The following MARCHF10 variants were observed in gnomAD, a reference collection of about 807,000 sequenced individuals.
The protein encoded by MARCHF10 is membrane associated ring-CH-type finger 10.
A neutral mutation model predicts 76.2 loss-of-function variants in MARCHF10; 64 were observed. The ratio of observed to expected loss-of-function variants is 0.84; its 90% confidence interval spans 0.69 to 1.03. MARCHF10 has a LOEUF of 1.03. MARCHF10 is among the 50% of genes least tolerant of loss of function. The pLI, the probability that MARCHF10 is intolerant of heterozygous loss-of-function variation, is 0.00. For synonymous variants in MARCHF10, 340 were observed against 357.5 expected (o/e 0.95, Z 0.55); for missense variants, 875 against 958.0 (o/e 0.91, Z 1.14).
At chr17:62,789,446 C>T (rs58973988) in intron 2 of MARCHF10, among the ~76,000 whole-genome samples, 29,009 of 152,202 alleles carry the variant, frequency 0.19, 7,724 homozygotes, top group African/African-American at 0.6. Context: ...TTCCTCTGCC[C>T]TCTCTTCTCC....
chr17:62,717,582 C>T (rs1416917540), intron 8 of MARCHF10, among the ~76,000 whole-genome samples: 1 of 152,194 alleles, frequency 6.6e-6, no homozygotes, highest in East Asian at 1.9e-4. Context: ...GGCAGGAGAC[C>T]CGAGGGCGGA....
At chr17:62,735,809 C>A in intron 6 of MARCHF10, 122 bp downstream of exon 6, 1 of 815,448 alleles carries the variant, frequency 1.2e-6, no homozygotes, top group Non-Finnish European at 1.9e-6. Flanking sequence ...AAATAAGCAA[C>A]CACTAAAATG....
At chr17:62,797,650 T>C (rs1272407536) in intron 2 of MARCHF10, among the ~76,000 whole-genome samples, 5 of 152,126 alleles carry the variant, frequency 3.3e-5, no homozygotes, top group African/African-American at 1.2e-4. Context: ...TGGTGAAGTG[T>C]AGGTTGGTTT....
chr17:62,764,052 G>T (rs958057179), intron 3 of MARCHF10, among the ~76,000 whole-genome samples: 1 of 152,110 alleles, frequency 6.6e-6, no homozygotes, highest in Non-Finnish European at 1.5e-5. Flanking sequence ...GGTTCAAGTA[G>T]ATGTCCTGGA....
chr17:62,793,207 ACCACCACCACCTCCACTG>A (rs2092904470), intron 2 of MARCHF10, among the ~76,000 whole-genome samples: 1 of 125,838 alleles, frequency 7.9e-6, no homozygotes, highest in African/African-American at 3.0e-5. Flanking sequence ...CACCACCACC[ACCACCACCACCTCCACTG>A]CCACCACCAC....
chr17:62,733,686 T>C (rs906437972), intron 6 of MARCHF10, among the ~76,000 whole-genome samples: 4 of 152,188 alleles, frequency 2.6e-5, no homozygotes, highest in African/African-American at 9.7e-5. Flanking sequence ...GACACGAATG[T>C]CCATTGACAG....
chr17:62,747,085 C>T lies in MARCHF10; in HGVS notation c.383-2557G>A, dbSNP rs192450774. 41 of 783,086 alleles carry T rather than the reference C, an allele frequency of 5.2e-5. No individual in the cohort carries two copies. The Admixed American group carries it at 6.5e-4, about 12-fold the overall frequency. The allele number at this position is 783,086 out of a possible 1,614,324, so 48.5% of individuals were successfully genotyped here. A position where few individuals can be genotyped will look rare whatever the true frequency, so the allele number is the denominator to read the frequency against. ...GTCTTTTCTCTCCAACTAGCCTGCA[C>T]GCTCCTTAAGAATGAGGATCGTCTC... On this transcript the variant is annotated intron_variant, in intron 4 of 10. Coordinates refer to ENST00000311269, the MANE Select transcript of MARCHF10 (RefSeq NM_152598.4).
In MARCHF10 at chr17:62,759,974, T is replaced by C. The variant is rs748559410; in HGVS notation, c.243A>G (p.Pro81=). 6.8e-6 allele frequency: 11 copies of C among 1,614,024 alleles called. No individual in the cohort carries two copies. The highest frequency in any genetic ancestry group is 3.3e-5 in the Admixed American group (2 of 59,996). ...ATGCAGATATCTTGATAGATGACCT[T>C]GGTTCAGTTAGAGCATCCTCCTCAC... ...SSSEEDALTE[P]RSSIKISAFK... Residue 81 remains proline, a synonymous_variant, in exon 4 of 11, where the codon CCA becomes CCG. Transcript: ENST00000311269.
intron 2 of MARCHF10, 85 bp downstream of exon 2, chr17:62,801,561 C>T (rs1449561363): frequency 8.3e-7 from 1 of 1,208,890 alleles, no homozygotes. Context: ...ACTTTTACTG[C>T]TTATCATACG....
chr17:62,705,358 G>A (rs1340602418), intron 10 of MARCHF10, 181 bp downstream of exon 10: 2 of 1,517,376 alleles, frequency 1.3e-6, no homozygotes, highest in African/African-American at 2.8e-5. Context: ...TGCATCCAGT[G>A]AACTTGGCCT....
rs533155265 is a variant in MARCHF10 at position 62,722,952 on chromosome 17, CT to C, written c.2105-356del. ...GTTTGTAAAAAGAGTGACTATTCAG[CT>C]TTTTTTTTTTTTATTGTAGACCCAA... On this transcript the variant is annotated intron_variant, in intron 7 of 10. Transcript: ENST00000311269. 5.2e-3 allele frequency among the ~76,000 whole-genome samples: 745 copies of C among 142,564 alleles called. 1 individual carries two copies. The highest frequency in any genetic ancestry group is 5.1e-3 in the East Asian group (25 of 4,948). 93.5% of individuals were successfully genotyped at this position (142,564 alleles called of 152,430 possible). A position where few individuals can be genotyped will look rare whatever the true frequency, so the allele number is the denominator to read the frequency against.
At chr17:62,794,522 G>A (rs756464490) in intron 2 of MARCHF10, among the ~76,000 whole-genome samples, 24 of 152,202 alleles carry the variant, frequency 1.6e-4, no homozygotes, top group Admixed American at 3.9e-4. Context: ...CCAGCCAACT[G>A]AGCAGCTCCT....
chr17:62,756,003 C>A (rs945657673), intron 4 of MARCHF10, among the ~76,000 whole-genome samples: 1 of 152,020 alleles, frequency 6.6e-6, no homozygotes, highest in African/African-American at 2.4e-5. Context: ...AACCCCAGTA[C>A]TCTGGGAGGC....
At chr17:62,726,531 A>ATG (rs2090763850) in intron 6 of MARCHF10, among the ~76,000 whole-genome samples, 1 of 152,256 alleles carries the variant, frequency 6.6e-6, no homozygotes, top group South Asian at 2.1e-4. Flanking sequence ...CAGGAAGAAC[A>ATG]TGTGTACATG....
At chr17:62,735,840 G>T (rs1400400918) in intron 6 of MARCHF10, 91 bp downstream of exon 6, 11 of 1,214,406 alleles carry the variant, frequency 9.1e-6, no homozygotes, top group Admixed American at 2.4e-5. Flanking sequence ...ACCCATTTAT[G>T]ACTTAAAATT....
At chr17:62,746,465 GAC>G (rs67707158) in intron 4 of MARCHF10, among the ~76,000 whole-genome samples, 429 of 151,804 alleles carry the variant, frequency 2.8e-3, no homozygotes, top group Non-Finnish European at 5.0e-3. Flanking sequence ...GAGACAGAAA[GAC>G]AGAGAGAGAG....
intron 8 of MARCHF10, among the ~76,000 whole-genome samples, chr17:62,717,920 G>C (rs1171204423): frequency 1.3e-5 from 2 of 152,206 alleles, no homozygotes; most frequent in Non-Finnish European, 2.9e-5. Context: ...AACATGGAGG[G>C]TGCGGTGGGG....
intron 4 of MARCHF10, among the ~76,000 whole-genome samples, chr17:62,756,408 T>TA (rs1241096732): frequency 2.0e-5 from 3 of 152,166 alleles, no homozygotes; most frequent in Admixed American, 6.5e-5. Context: ...ATTGCACCAG[T>TA]ACACTTCAGC....
At chr17:62,748,772 T>C (rs2091797111) in intron 4 of MARCHF10, among the ~76,000 whole-genome samples, 1 of 152,154 alleles carries the variant, frequency 6.6e-6, no homozygotes, top group Non-Finnish European at 1.5e-5. Context: ...TCAATTTGTA[T>C]ACCAAGTTCC....
Sources: allele counts gnomAD v4.1 joint callset (sites outside exome capture counted in the v4.1 genomes callset), GRCh38; gene constraint gnomAD v4.1.1; transcripts MANE v1.5; gene names NCBI Gene and HGNC (gene_info 2026-07-23, HGNC 2026-07-21).